Variants in PDE10A observed in about 807,000 individuals in gnomAD.
PDE10A encodes cAMP and cAMP-inhibited cGMP 3',5'-cyclic phosphodiesterase 10A.
PDE10A carries 39 observed loss-of-function variants against 97.7 expected under a neutral mutation model. The ratio of observed to expected loss-of-function variants is 0.40; its 90% CI spans 0.31 to 0.52. The LOEUF is 0.52. Among genes scored for constraint, PDE10A ranks in the 20% least tolerant of loss-of-function variants. The probability of loss-of-function intolerance (pLI) is 0.56; values close to 1 mark genes in which losing one functional copy is unlikely to be tolerated. For missense variants in PDE10A, 731 were observed against 1,047.8 expected, an observed-to-expected ratio of 0.70 and a Z score of 4.17; for synonymous variants, 371 against 376.8, an observed-to-expected ratio of 0.98 and a Z score of 0.18.
chr6:165,779,446 C>G (rs1235734771), intron 1 of PDE10A, among the ~76,000 whole-genome samples: 1 of 152,198 alleles, frequency 6.6e-6, no homozygotes, highest in Non-Finnish European at 1.5e-5. Flanking sequence ...ACTTCAGCGG[C>G]TCCCTATTAG....
chr6:165,487,525 C>A (rs1728548438), intron 2 of PDE10A, among the ~76,000 whole-genome samples: 1 of 152,126 alleles, frequency 6.6e-6, no homozygotes, highest in South Asian at 2.1e-4. Context: ...CTCCTCCGAC[C>A]AGTCTGTGAA....
chr6:165,641,168 G>A (rs547113240), intron 1 of PDE10A, among the ~76,000 whole-genome samples: 20 of 152,244 alleles, frequency 1.3e-4, no homozygotes, highest in African/African-American at 4.6e-4. Context: ...GGCCAGTAAG[G>A]GGTGACTGAC....
intron 1 of PDE10A, among the ~76,000 whole-genome samples, chr6:165,929,299 C>T (rs143328398): frequency 1.6e-4 from 25 of 152,266 alleles, no homozygotes; most frequent in African/African-American, 5.8e-4. Context: ...AGTGGCTGGA[C>T]ACGGGGAAGG....
chr6:165,373,165 A>G (rs1304748727), intron 18 of PDE10A, among the ~76,000 whole-genome samples: 14 of 151,072 alleles, frequency 9.3e-5, no homozygotes, highest in South Asian at 2.1e-4. Context: ...GGACATAGGC[A>G]TGGGCAAGGA....
chr6:165,372,855 A>G (rs988035942), intron 18 of PDE10A, among the ~76,000 whole-genome samples: 7 of 151,810 alleles, frequency 4.6e-5, no homozygotes, highest in Non-Finnish European at 1.0e-4. Flanking sequence ...TAACCAAAAC[A>G]GCATGGTACT....
chr6:165,395,321 T>C (rs1030294386), intron 14 of PDE10A, 57 bp from the exon 15 acceptor site: 2 of 1,194,540 alleles, frequency 1.7e-6, no homozygotes, highest in South Asian at 1.2e-5. Context: ...ACACAGTAAG[T>C]AAAGAAAAGC....
intron 1 of PDE10A, among the ~76,000 whole-genome samples, chr6:165,832,092 T>A (rs1465080982): frequency 6.6e-6 from 1 of 152,226 alleles, no homozygotes; most frequent in Non-Finnish European, 1.5e-5. Flanking sequence ...TATTTTTCAG[T>A]ATCTTTAGTT....
intron 1 of PDE10A, among the ~76,000 whole-genome samples, chr6:165,890,546 A>C (rs1392566230): frequency 6.6e-6 from 1 of 152,144 alleles, no homozygotes; most frequent in Non-Finnish European, 1.5e-5. Context: ...TTATGACAAA[A>C]ACATTACCGC....
intron 18 of PDE10A, among the ~76,000 whole-genome samples, chr6:165,361,140 A>G (rs1369631122): frequency 6.6e-6 from 1 of 152,196 alleles, no homozygotes; most frequent in Non-Finnish European, 1.5e-5. Flanking sequence ...TAAGCATTAG[A>G]AGTAATAAAT....
At chr6:165,884,009 C>T (rs1781562495) in intron 1 of PDE10A, among the ~76,000 whole-genome samples, 2 of 152,130 alleles carry the variant, frequency 1.3e-5, no homozygotes, top group African/African-American at 2.4e-5. Flanking sequence ...AGGGCATCTG[C>T]GTGCCTGAAG....
At chr6:165,875,737 T>TTTTGTTTTTTG (rs750984085) in intron 1 of PDE10A, among the ~76,000 whole-genome samples, 1 of 137,962 alleles carries the variant, frequency 7.2e-6, no homozygotes, top group Admixed American at 7.1e-5. Flanking sequence ...TACTGTTTTT[T>TTTTGTTTTTTG]TTTTTTTTTT....
At chr6:165,511,971 T>C (rs767840509) in intron 2 of PDE10A, among the ~76,000 whole-genome samples, 13 of 152,022 alleles carry the variant, frequency 8.6e-5, no homozygotes, top group Non-Finnish European at 1.8e-4. Context: ...TGTTTTGTTT[T>C]CCATTCAGCC....
intron 1 of PDE10A, among the ~76,000 whole-genome samples, chr6:165,846,696 A>T (rs1780428477): frequency 6.6e-6 from 1 of 152,244 alleles, no homozygotes. Flanking sequence ...GGAAGGAGGA[A>T]ATATGAGCAA....
chr6:165,472,330 T>A (rs888327745), intron 3 of PDE10A, among the ~76,000 whole-genome samples: 2 of 152,090 alleles, frequency 1.3e-5, no homozygotes, highest in African/African-American at 2.4e-5. Context: ...ATATTAATAT[T>A]CCCTTTCTCA....
intron 1 of PDE10A, among the ~76,000 whole-genome samples, chr6:165,648,991 T>C (rs1397116938): frequency 2.6e-5 from 4 of 151,994 alleles, no homozygotes; most frequent in Admixed American, 2.6e-4. Context: ...AAGAGAGCAA[T>C]CGCCACCAGG....
intron 1 of PDE10A, among the ~76,000 whole-genome samples, chr6:165,891,883 T>A (rs969307220): frequency 1.3e-5 from 2 of 152,144 alleles, no homozygotes; most frequent in African/African-American, 4.8e-5. Context: ...ATAACCTTCG[T>A]GATCACCCCC....
chr6:165,930,739 AT>A (rs1399169143), intron 1 of PDE10A, among the ~76,000 whole-genome samples: 9 of 152,340 alleles, frequency 5.9e-5, no homozygotes, highest in African/African-American at 1.9e-4. Flanking sequence ...CATTCGGAAC[AT>A]TTCAAGTGAA....
chr6:165,466,268 G>A (rs1244866650), intron 3 of PDE10A, among the ~76,000 whole-genome samples: 1 of 152,100 alleles, frequency 6.6e-6, no homozygotes, highest in South Asian at 2.1e-4. Flanking sequence ...TAGCGAAAAG[G>A]GATCCTTGAG....
intron 1 of PDE10A, chr6:165,775,697 C>G (rs375822098): frequency 6.6e-6 from 1 of 152,174 alleles, no homozygotes; most frequent in Admixed American, 6.5e-5. Flanking sequence ...TAACCTGTCT[C>G]CAATTAACAG....
Sources: gnomAD v4.1 joint callset for allele counts (sites outside exome capture counted in the v4.1 genomes callset) on GRCh38, gnomAD v4.1.1 for gene constraint, MANE v1.5 for transcripts, NCBI Gene and HGNC (gene_info 2026-07-23, HGNC 2026-07-21) for gene names.